Variants in SIRPB2 observed in about 807,000 individuals in gnomAD.
The protein encoded by SIRPB2 is signal regulatory protein beta 2.
In SIRPB2, 18 loss-of-function variants were observed where a neutral mutation model predicts 27.1. The observed-to-expected ratio is 0.66, with a 90% CI of 0.46 to 0.98. The LOEUF is 0.98. Ranked by LOEUF, SIRPB2 falls within the 50% of genes least tolerant of loss-of-function variation. The pLI is 0.00. For missense variants in SIRPB2, 420 were observed against 417.4 expected, an observed-to-expected ratio of 1.01 and a Z score of -0.06; for synonymous variants, 150 against 164.6, an observed-to-expected ratio of 0.91 and a Z score of 0.68.
intron 4 of SIRPB2, 66 bp downstream of exon 4, chr20:1,477,272 C>G: frequency 6.2e-7 from 1 of 1,614,136 alleles, no homozygotes; most frequent in Non-Finnish European, 8.5e-7. Flanking sequence ...CTTCCCATGA[C>G]CAAGCCATTC....
At chr20:1,477,639 T>G (rs1469001319) in intron 3 of SIRPB2, among the ~76,000 whole-genome samples, 1 of 152,234 alleles carries the variant, frequency 6.6e-6, no homozygotes, top group East Asian at 1.9e-4. Flanking sequence ...TGCAGGACAC[T>G]CAACAGTCAT....
intron 1 of SIRPB2, among the ~76,000 whole-genome samples, chr20:1,480,589 G>A (rs1319502446): frequency 3.3e-5 from 5 of 152,126 alleles, no homozygotes; most frequent in Non-Finnish European, 7.4e-5. Context: ...TATAAGGAGA[G>A]GAAATTTAAA....
In SIRPB2 at chr20:1,478,269, T is replaced by C; in HGVS notation, c.790A>G (p.Lys264Glu). Reference protein sequence around the residue: ...LSGQGTSLKVKAKSTSSKEAE... With the variant: ...LSGQGTSLKVEAKSTSSKEAE... ...AGTCCAAAACCAATTGTCTCACCTT[T>C]CACTTTCAGGCTGGTGCCCTGTCCA... The change falls in exon 3 of 5, where the codon AAA becomes GAA. Residue 264 changes from lysine (K) to glutamate (E), a missense_variant. Coordinates refer to ENST00000359801, the MANE Select transcript of SIRPB2 (RefSeq NM_001122962.2). 1 of 1,609,472 alleles carries C rather than the reference T, an allele frequency of 6.2e-7. No individual in the cohort carries two copies. The highest frequency in any genetic ancestry group is 8.5e-7 in the Non-Finnish European group (1 of 1,176,342).
Position 1,478,364 on chromosome 20 carries a change from A to T in SIRPB2, c.695T>A (p.Val232Asp). 1 of 1,614,106 alleles carries T rather than the reference A, an allele frequency of 6.2e-7. No homozygotes were observed. Among genetic ancestry groups the T allele is most frequent in the Non-Finnish European group, 8.5e-7 (1 of 1,180,028 alleles). The part of the protein sequence containing the change: ...NNDFSILLQN[V>D]SSEDAGTYYC... The stretch of plus-strand genomic sequence containing the variant: ...ATAGGTGCCTGCATCCTCACTGGAG[A>T]CGTTTTGCAGAAGAATGCTGAAGTC... Residue 232 changes from valine (V) to aspartate (D), a missense_variant, in exon 3 of 5, where the codon GTC becomes GAC. Coordinates refer to ENST00000359801, the MANE Select transcript of SIRPB2 (RefSeq NM_001122962.2).
At chr20:1,482,096 G>A (rs1025805550) in intron 1 of SIRPB2, among the ~76,000 whole-genome samples, 9 of 152,162 alleles carry the variant, frequency 5.9e-5, no homozygotes, top group Non-Finnish European at 1.2e-4. Context: ...ATTCTATTGT[G>A]AGGCTTCTAA....
chr20:1,471,714 C>T (rs1211093495), downstream of SIRPB2, among the ~76,000 whole-genome samples: 1 of 152,196 alleles, frequency 6.6e-6, no homozygotes, highest in African/African-American at 2.4e-5. Context: ...TACCGCCACC[C>T]CAATACTGCA....
intron 1 of SIRPB2, among the ~76,000 whole-genome samples, chr20:1,483,618 A>AC (rs1407923923): frequency 1.3e-5 from 2 of 151,920 alleles, no homozygotes; most frequent in Non-Finnish European, 2.9e-5. Flanking sequence ...TGCTTTTTTA[A>AC]CTGTTGAATT....
Position 1,476,350 on chromosome 20 carries a change from G to A in SIRPB2, c.860-14C>T. 1 of 1,608,150 alleles carries A rather than the reference G, an allele frequency of 6.2e-7. No homozygotes were observed. The highest frequency in any genetic ancestry group is 1.1e-5 in the South Asian group (1 of 90,792). Reference sequence around the variant, plus strand: ...CAACCAGGAGGCCTGGGAGGCACAGGAGAGAGCTCAGGCGGGACCCGTGGT... The same window carrying A: ...CAACCAGGAGGCCTGGGAGGCACAGAAGAGAGCTCAGGCGGGACCCGTGGT... On this transcript the variant is annotated splice_polypyrimidine_tract_variant and intron_variant, in intron 4 of 4. Transcript: ENST00000359801.
intron 4 of SIRPB2, 146 bp from the exon 5 acceptor site, chr20:1,476,482 A>G (rs2090607528): frequency 2.1e-6 from 2 of 946,902 alleles, no homozygotes; most frequent in Admixed American, 3.0e-5. Flanking sequence ...AGGAGATCAA[A>G]GACCACCCTT....
At chr20:1,473,913 GAA>G (rs1568639742), downstream of SIRPB2, 1 of 455,048 alleles carries the variant, frequency 2.2e-6, no homozygotes, top group Non-Finnish European at 4.4e-6. Flanking sequence ...TCATATTTCT[GAA>G]GTCCCGAAGT....
At chr20:1,488,395 G>A (rs1410330961) in intron 1 of SIRPB2, among the ~76,000 whole-genome samples, 26 of 152,114 alleles carry the variant, frequency 1.7e-4, no homozygotes, top group Admixed American at 1.5e-3. Flanking sequence ...TGAGGCAGGC[G>A]GATCACTGGA....
At position 1,479,465 on chromosome 20, in the gene SIRPB2, C is replaced by T. The variant is rs2090643896; in HGVS notation, c.451+235G>A. 3 of 604,174 alleles carry T rather than the reference C, an allele frequency of 5.0e-6. No homozygotes were observed. The Admixed American group carries it at 8.9e-5, about 18-fold the overall frequency. The allele number at this position is 604,174 out of a possible 1,614,324, so 37.4% of individuals were successfully genotyped here. On this transcript the variant is annotated intron_variant, in intron 2 of 4. Coordinates refer to ENST00000359801, the MANE Select transcript of SIRPB2 (RefSeq NM_001122962.2). ...GTTGGGACTGGGCTTCTGCTTCTGC[C>T]ATCTTTATGAGAAAACATGCCCCAC...
rs2090606396 is a variant in SIRPB2 at position 1,476,356 on chromosome 20, G to T, written c.860-20C>A. The T allele has an allele frequency of 1.2e-6, 2 of 1,603,460 alleles. No homozygotes were observed. Among genetic ancestry groups the T allele is most frequent in the African/African-American group, 2.7e-5 (2 of 74,468 alleles). On this transcript the variant is annotated intron_variant, in intron 4 of 4. Coordinates refer to ENST00000359801, the MANE Select transcript of SIRPB2 (RefSeq NM_001122962.2). ...GGAGGCCTGGGAGGCACAGGAGAGA[G>T]CTCAGGCGGGACCCGTGGTGAGGGC...
chr20:1,490,016 A>C (rs1209859832), intron 1 of SIRPB2, among the ~76,000 whole-genome samples: 1 of 152,172 alleles, frequency 6.6e-6, no homozygotes, highest in African/African-American at 2.4e-5. Flanking sequence ...AGCTGGACTC[A>C]AACATTCCAA....
At chr20:1,480,367 C>T in intron 1 of SIRPB2, 1 of 297,946 alleles carries the variant, frequency 3.4e-6, no homozygotes. Context: ...GCATCATTCC[C>T]ATTTTTTGAC....
chr20:1,478,962 C>T (rs1475407087), intron 2 of SIRPB2, among the ~76,000 whole-genome samples: 1 of 152,224 alleles, frequency 6.6e-6, no homozygotes, highest in Non-Finnish European at 1.5e-5. Flanking sequence ...GCCAGTGAAG[C>T]CTTCCTGAAT....
rs41275406 is a variant in SIRPB2, at chr20:1,476,325, C to T, written c.871G>A (p.Val291Met). The T allele has an allele frequency of 0.05, 80,679 of 1,612,244 alleles. 2,240 individuals are homozygous for T. The highest frequency in any genetic ancestry group is 0.057 in the Middle Eastern group (319 of 5,598). ...TEMSPTGLLVVFAPVVLGLKA... is the reference protein window; with the variant it reads ...TEMSPTGLLVMFAPVVLGLKA... ...AGCCCCAGGACCACAGGTGCGAACACAACCAGGAGGCCTGGGAGGCACAGG... is the reference window on the plus strand; with the variant it reads ...AGCCCCAGGACCACAGGTGCGAACATAACCAGGAGGCCTGGGAGGCACAGG... Residue 291 changes from valine to methionine, a missense_variant, in exon 5 of 5, where the codon GTG becomes ATG. By Grantham distance (21) the Val-to-Met change is conservative. Transcript: ENST00000359801.
intron 4 of SIRPB2, 91 bp downstream of exon 4, chr20:1,477,247 G>A (rs1254978583): frequency 6.2e-7 from 1 of 1,613,736 alleles, no homozygotes; most frequent in Admixed American, 1.7e-5. Flanking sequence ...AGCCCCAGGA[G>A]TCTGGGACTG....
chr20:1,479,706 C>A lies in SIRPB2; in HGVS notation c.445G>T (p.Val149Leu). The A allele has an allele frequency of 6.2e-7, 1 of 1,613,858 alleles. No individual in the cohort carries two copies. The highest frequency in any genetic ancestry group is 8.5e-7 in the Non-Finnish European group (1 of 1,179,766). The stretch of plus-strand genomic sequence containing the variant: ...TGCAGGGCCTGATCCTTACCCTTCA[C>A]AAGCACTGAGGTGCCTTCATCCGAT... ...MKSDEGTSVL[V>L]KGAGDPEPDL... Residue 149 changes from valine to leucine, a missense_variant, in exon 2 of 5, where the codon GTG becomes TTG. Physicochemically the swap from Val to Leu is conservative, Grantham distance 32. Coordinates refer to ENST00000359801, the MANE Select transcript of SIRPB2 (RefSeq NM_001122962.2).
Sources: allele counts gnomAD v4.1 joint callset (sites outside exome capture counted in the v4.1 genomes callset), GRCh38; gene constraint gnomAD v4.1.1; transcripts MANE v1.5; gene names NCBI Gene and HGNC (gene_info 2026-07-23, HGNC 2026-07-21).